The following SHANK2 variants were observed in gnomAD, a reference collection of about 807,000 sequenced individuals.
SHANK2 encodes SH3 and multiple ankyrin repeat domains 2, also known as SH3 and multiple ankyrin repeat domains protein 2.
A neutral mutation model predicts 133.7 loss-of-function variants in SHANK2; 43 were observed. The ratio of observed to expected loss-of-function variants is 0.32; its 90% confidence interval spans 0.25 to 0.41. The LOEUF (loss-of-function observed/expected upper bound fraction) is 0.41. SHANK2 is among the 10% of genes least tolerant of loss of function. The pLI, the probability that SHANK2 is intolerant of heterozygous loss-of-function variation, is 1.00. For synonymous variants in SHANK2, 1,017 were observed against 952.8 expected, an observed-to-expected ratio of 1.07 and a Z score of -1.24; for missense variants, 1,994 against 2,235.8, an observed-to-expected ratio of 0.89 and a Z score of 2.18.
intron 11 of SHANK2, among the ~76,000 whole-genome samples, chr11:70,834,327 G>A (rs782395980): frequency 1.3e-4 from 20 of 152,192 alleles, no homozygotes; most frequent in East Asian, 1.9e-4. Context: ...CACAGGAGGT[G>A]GCTCTAACTC....
chr11:70,738,630 A>C (rs969865908), intron 14 of SHANK2, among the ~76,000 whole-genome samples: 6 of 152,348 alleles, frequency 3.9e-5, no homozygotes, highest in African/African-American at 1.4e-4. Context: ...ATGGAAGCAC[A>C]GCCAGCCGCT....
Position 71,113,293 on chromosome 11 carries a change from C to A in SHANK2, c.483G>T (p.Lys161Asn). The change falls in exon 5 of 26, where the codon AAG (lysine) becomes AAT (asparagine). Residue 161 changes from lysine to asparagine, a missense_variant and splice_region_variant. By Grantham distance (94) the Lys-to-Asn change is moderately conservative. Transcript: ENST00000601538. ...DEKQLAKLHT[K>N]TNLKKCMDHI... ...AAATAACAGCCCGTTCCCTGCATACCTTCGTGTGGAGCTTGGCCAACTGTT... is the reference window on the plus strand; with the variant it reads ...AAATAACAGCCCGTTCCCTGCATACATTCGTGTGGAGCTTGGCCAACTGTT... 1 of 1,551,730 alleles carries A rather than the reference C, an allele frequency of 6.4e-7. No homozygotes were observed. Among genetic ancestry groups the A allele is most frequent in the South Asian group, 1.2e-5 (1 of 84,064 alleles).
chr11:71,222,571 A>G (rs1048499959), intron 2 of SHANK2, among the ~76,000 whole-genome samples: 13 of 152,240 alleles, frequency 8.5e-5, no homozygotes, highest in Non-Finnish European at 1.2e-4. Context: ...AAGCGCATGC[A>G]CGCCATGGTT....
At chr11:70,492,089 C>A (rs1555155931) in intron 22 of SHANK2, among the ~76,000 whole-genome samples, 1 of 152,188 alleles carries the variant, frequency 6.6e-6, no homozygotes. Context: ...TATGACAGGA[C>A]ACCTTCGAGG....
At chr11:70,749,124 A>G (rs1468606457) in intron 14 of SHANK2, among the ~76,000 whole-genome samples, 4 of 152,236 alleles carry the variant, frequency 2.6e-5, no homozygotes, top group African/African-American at 9.6e-5. Context: ...ACCATGTGGC[A>G]CAGGCGACTA....
Position 70,910,939 on chromosome 11 carries a change from G to T in SHANK2, c.1108-14372C>A, listed in dbSNP as rs73531462. On this transcript the variant is annotated intron_variant, in intron 10 of 25. Coordinates refer to ENST00000601538, the MANE Select transcript of SHANK2 (RefSeq NM_012309.5). ...GCGCGTGCATGTGCACATGCTGGGG[G>T]CACATGTGCACATAATTCGATTTTT... 5.1e-3 allele frequency: 2,311 copies of T among 455,844 alleles called. 45 individuals carry two copies. Among genetic ancestry groups the T allele is most frequent in the African/African-American group, 0.043 (2,151 of 50,148 alleles). 28.2% of individuals were successfully genotyped at this position (455,844 alleles called of 1,614,324 possible).
intron 11 of SHANK2, among the ~76,000 whole-genome samples, chr11:70,838,674 G>A (rs1555060702): frequency 2.0e-5 from 3 of 152,160 alleles, no homozygotes; most frequent in African/African-American, 7.2e-5. Context: ...AATTACTGAA[G>A]TCTCCCCAAG....
chr11:70,606,345 C>T (rs1554992393), intron 17 of SHANK2, among the ~76,000 whole-genome samples: 1 of 151,710 alleles, frequency 6.6e-6, no homozygotes, highest in African/African-American at 2.4e-5. Flanking sequence ...TGAGGCCAGG[C>T]GTTTGAGACC....
chr11:71,084,279 A>G (rs1951347684), intron 8 of SHANK2, among the ~76,000 whole-genome samples: 2 of 152,138 alleles, frequency 1.3e-5, no homozygotes, highest in African/African-American at 4.8e-5. Flanking sequence ...CCCGAATAAC[A>G]ACTTTTAAGA....
At chr11:70,835,224 G>A (rs1050701249) in intron 11 of SHANK2, among the ~76,000 whole-genome samples, 1 of 152,220 alleles carries the variant, frequency 6.6e-6, no homozygotes, top group African/African-American at 2.4e-5. Flanking sequence ...GGAGCCAAGG[G>A]GCGTGCAATG....
At chr11:70,708,603 GC>G (rs1945714978) in intron 14 of SHANK2, among the ~76,000 whole-genome samples, 2 of 152,200 alleles carry the variant, frequency 1.3e-5, no homozygotes, top group Admixed American at 1.3e-4. Context: ...AGACAGTGAG[GC>G]CCCGAGGTTT....
In SHANK2 at chr11:70,610,709, C is replaced by A. The variant is rs567952222; in HGVS notation, c.2061+49119G>T. Among the ~76,000 whole-genome samples the A allele has an allele frequency of 2.6e-5, 4 of 152,334 alleles. No homozygotes were observed. The South Asian group carries it at 8.3e-4, about 32-fold the overall frequency. ...ATTCCGTGGGGCAGCCGGCACAATG[C>A]CAGCCCAGAGCACAGAACACGGCAT... is the stretch of plus-strand genomic sequence containing the variant. On this transcript the variant is annotated intron_variant, in intron 17 of 25. Transcript: ENST00000601538.
chr11:70,738,048 G>A (rs569405487), intron 14 of SHANK2, among the ~76,000 whole-genome samples: 4 of 152,346 alleles, frequency 2.6e-5, no homozygotes, highest in Admixed American at 1.3e-4. Context: ...CTGGCTGCAC[G>A]GTGACAAAGC....
At chr11:70,870,936 C>T (rs1471379922) in intron 11 of SHANK2, among the ~76,000 whole-genome samples, 1 of 152,146 alleles carries the variant, frequency 6.6e-6, no homozygotes, top group Admixed American at 6.5e-5. Context: ...CGCCACCACG[C>T]CCGGCTAATC....
chr11:71,196,442 C>T lies in SHANK2; in HGVS notation c.-13+28255G>A, dbSNP rs144747853. Among the ~76,000 whole-genome samples, 60 of 152,096 alleles carry T rather than the reference C, an allele frequency of 3.9e-4. 1 individual carries two copies. The East Asian group carries it at 0.01, about 26-fold the overall frequency. On this transcript the variant is annotated intron_variant, in intron 2 of 25. Coordinates refer to ENST00000601538, the MANE Select transcript of SHANK2 (RefSeq NM_012309.5). The stretch of plus-strand genomic sequence containing the variant: ...CTCGGATTACAGGCGCATGCCACCA[C>T]GTCCAGCTAATTTCTGTATTTTTAG...
intron 1 of SHANK2, among the ~76,000 whole-genome samples, chr11:71,235,845 G>A (rs556442364): frequency 2.6e-5 from 4 of 152,286 alleles, no homozygotes; most frequent in East Asian, 3.9e-4. Flanking sequence ...AGTGGCTGCC[G>A]TGACGATGGG....
At chr11:70,556,056 C>T (rs139733568) in intron 17 of SHANK2, among the ~76,000 whole-genome samples, 42 of 152,298 alleles carry the variant, frequency 2.8e-4, no homozygotes, top group Non-Finnish European at 6.0e-4. Flanking sequence ...AGCAAGTTCT[C>T]CAGAAGATCT....
intron 14 of SHANK2, among the ~76,000 whole-genome samples, chr11:70,723,318 T>TCTCTCTCTCTCTCTCTCTCTCG: frequency 6.6e-6 from 1 of 151,998 alleles, no homozygotes; most frequent in Non-Finnish European, 1.5e-5. Context: ...TCTCTCTCTC[T>TCTCTCTCTCTCTCTCTCTCTCG]CTCTCTCTCT....
intron 17 of SHANK2, among the ~76,000 whole-genome samples, chr11:70,651,537 C>A (rs188366130): frequency 6.6e-6 from 1 of 152,192 alleles, no homozygotes; most frequent in Non-Finnish European, 1.5e-5. Context: ...CCTCAGAGAG[C>A]AGACCCCAAT....
Sources: gnomAD v4.1 joint callset for allele counts (sites outside exome capture counted in the v4.1 genomes callset) on GRCh38, gnomAD v4.1.1 for gene constraint, MANE v1.5 for transcripts, NCBI Gene and HGNC (gene_info 2026-07-23, HGNC 2026-07-21) for gene names.